OTOG: variants seen among roughly 807,000 people sequenced by gnomAD.
OTOG encodes otogelin.
Under a neutral mutation model 313.8 loss-of-function variants are expected in OTOG, and 296 were observed. The observed-to-expected ratio is 0.94, with a 90% confidence interval of 0.86 to 1.04. The LOEUF is 1.04. Ranked by LOEUF, OTOG falls within the 50% of genes least tolerant of loss-of-function variation. The pLI is 0.00. For missense variants in OTOG, 3,948 were observed against 3,840.1 expected (o/e 1.03, Z -0.74); for synonymous variants, 1,533 against 1,554.9 (o/e 0.99, Z 0.33).
At chr11:17,612,420 C>G in intron 37 of OTOG, 90 bp downstream of exon 37, 1 of 1,443,606 alleles carries the variant, frequency 6.9e-7, no homozygotes, top group Non-Finnish European at 9.2e-7. Flanking sequence ...GTCCCAGACT[C>G]CCCTCCTGTG....
intron 33 of OTOG, among the ~76,000 whole-genome samples, chr11:17,606,606 C>A (rs970775650): frequency 1.3e-5 from 2 of 152,252 alleles, no homozygotes; most frequent in African/African-American, 2.4e-5. Context: ...ACTCCCCGAC[C>A]TTCCACCAAC....
At chr11:17,575,017 TC>T in intron 20 of OTOG, 105 bp downstream of exon 20, 1 of 1,167,828 alleles carries the variant, frequency 8.6e-7, no homozygotes, top group East Asian at 2.7e-5. Flanking sequence ...TGTCCCTCCT[TC>T]CCCTCACAGT....
chr11:17,636,380 T>C (rs1308109119), intron 47 of OTOG, among the ~76,000 whole-genome samples: 2 of 152,164 alleles, frequency 1.3e-5, no homozygotes, highest in African/African-American at 4.8e-5. Context: ...ATGAACAAAA[T>C]GGTTCTATTT....
At chr11:17,612,100 A>G in intron 36 of OTOG, 62 bp from the exon 37 acceptor site, 1 of 1,532,156 alleles carries the variant, frequency 6.5e-7, no homozygotes, top group Non-Finnish European at 8.8e-7. Context: ...GTGCCATCAC[A>G]GCTTGCAGGG....
intron 23 of OTOG, among the ~76,000 whole-genome samples, chr11:17,580,909 T>C (rs1852649878): frequency 6.6e-6 from 1 of 152,174 alleles, no homozygotes; most frequent in African/African-American, 2.4e-5. Flanking sequence ...TGTGCTTTTT[T>C]TTCTTTCCTG....
intron 42 of OTOG, among the ~76,000 whole-genome samples, chr11:17,632,622 G>A (rs1250259802): frequency 5.9e-5 from 9 of 152,076 alleles, no homozygotes; most frequent in East Asian, 1.9e-4. Flanking sequence ...CACGGACACC[G>A]TCCAGCACAC....
chr11:17,581,285 A>T (rs1156919708), intron 23 of OTOG, among the ~76,000 whole-genome samples: 1 of 152,152 alleles, frequency 6.6e-6, no homozygotes, highest in Non-Finnish European at 1.5e-5. Context: ...GGGTCACACC[A>T]CTGCTCCAGC....
At chr11:17,592,527 C>T (rs1237790612) in intron 25 of OTOG, among the ~76,000 whole-genome samples, 1 of 152,048 alleles carries the variant, frequency 6.6e-6, no homozygotes, top group African/African-American at 2.4e-5. Context: ...CCTGCAAGAA[C>T]TTTTTTCTGT....
At chr11:17,552,832 G>C (rs1851973563) in intron 4 of OTOG, among the ~76,000 whole-genome samples, 1 of 152,252 alleles carries the variant, frequency 6.6e-6, no homozygotes, top group Admixed American at 6.5e-5. Flanking sequence ...TGCCTGCCTT[G>C]CTTGCTAGCC....
Position 17,572,081 on chromosome 11 carries a change from T to A in OTOG, c.1957T>A (p.Ser653Thr). 6.5e-7 allele frequency: 1 copy of A among 1,550,324 alleles called. No homozygotes were observed. Among genetic ancestry groups the A allele is most frequent in the South Asian group, 1.2e-5 (1 of 84,044 alleles). ...FNGNTQDDFL[S>T]PVGVPESTPQ... ...AATATGGCTGTGACATGGCTGCAGG[T>A]CTCCAGTGGGTGTACCTGAGAGCAC... Residue 653 changes from serine to threonine, a missense_variant and splice_region_variant, in exon 18 of 56, where the codon TCT becomes ACT. Physicochemically the swap from Ser to Thr is moderately conservative, Grantham distance 58. Transcript: ENST00000399397.
At chr11:17,589,805 A>G (rs540738494) in intron 24 of OTOG, among the ~76,000 whole-genome samples, 2 of 152,316 alleles carry the variant, frequency 1.3e-5, no homozygotes, top group African/African-American at 4.8e-5. Context: ...GGTCACCAGT[A>G]ACTTCATATT....
Position 17,641,961 on chromosome 11 carries a change from C to A in OTOG, c.8295+10C>A, listed in dbSNP as rs559557204. 85 of 1,548,270 alleles carry A rather than the reference C, an allele frequency of 5.5e-5. No homozygotes were observed. The African/African-American group carries it at 9.9e-4, about 18-fold the overall frequency. On this transcript the variant is annotated intron_variant, in intron 52 of 55. Transcript: ENST00000399397. ...CACCTCCCTGTTCTTGGTAAGCAGCCCCCTCGCTGCCCACTTAGGAGGGTG... is the reference window on the plus strand; with the variant it reads ...CACCTCCCTGTTCTTGGTAAGCAGCACCCTCGCTGCCCACTTAGGAGGGTG...
chr11:17,561,264 G>T, intron 14 of OTOG, 127 bp downstream of exon 14: 1 of 1,103,918 alleles, frequency 9.1e-7, no homozygotes, highest in South Asian at 1.5e-5. Flanking sequence ...GCTACGCCCC[G>T]ACCCCTGTTT....
At chr11:17,576,660 C>A (rs1378241468) in intron 21 of OTOG, 30 bp downstream of exon 21, 4 of 1,529,338 alleles carry the variant, frequency 2.6e-6, no homozygotes, top group Non-Finnish European at 3.5e-6. Flanking sequence ...GCCTTCTTGT[C>A]CTCTCTTTAA....
intron 24 of OTOG, among the ~76,000 whole-genome samples, chr11:17,586,957 CAATATGTCAGTG>C (rs369952291): frequency 0.044 from 6,637 of 152,238 alleles, 171 homozygotes; most frequent in South Asian, 0.075. Flanking sequence ...TCACAAATCT[CAATATGTCAGTG>C]AATATGTACA....
At position 17,572,191 on chromosome 11, in the gene OTOG, G is replaced by A. The variant is rs945970316; in HGVS notation, c.2067G>A (p.Val689=). The A allele has an allele frequency of 1.2e-5, 19 of 1,550,284 alleles. No individual in the cohort carries two copies. In the African/African-American group the frequency reaches 2.6e-4, roughly 21 times the overall value. The part of the protein sequence containing the change: ...VSGSPLDPCD[V]HLQAASYSVQ... ...GCTCCCCTCTGGACCCCTGCGATGT[G>A]CACCTGCAAGCCGGTGAGTTGGTGG... The change falls in exon 18 of 56, where the codon GTG becomes GTA. Residue 689 remains valine (V), a synonymous_variant. Coordinates refer to ENST00000399397, the MANE Select transcript of OTOG (RefSeq NM_001292063.2).
chr11:17,595,138 C>G (rs1853060293), intron 28 of OTOG, among the ~76,000 whole-genome samples: 1 of 152,148 alleles, frequency 6.6e-6, no homozygotes, highest in African/African-American at 2.4e-5. Flanking sequence ...TTCAACTGCT[C>G]CAGGTGGGGC....
rs1292775449 is a variant in OTOG at position 17,640,725 on chromosome 11, ACTGCCT to A, written c.7936-14_7936-9del. The A allele has an allele frequency of 6.5e-7, 1 of 1,548,780 alleles. No individual in the cohort carries two copies. The highest frequency in any genetic ancestry group is 2.0e-5 in the Admixed American group (1 of 50,970). On this transcript the variant is annotated splice_polypyrimidine_tract_variant and intron_variant, in intron 49 of 55. Transcript: ENST00000399397. ...GGCTGGCCCCCAACCCAGGGTGCTGACTGCCTCTGCCCCACCCAGTGGGAGAAATCC... is the reference window on the plus strand; with the variant it reads ...GGCTGGCCCCCAACCCAGGGTGCTGACTGCCCCACCCAGTGGGAGAAATCC...
chr11:17,599,870 T>G (rs1165396874), intron 31 of OTOG, among the ~76,000 whole-genome samples, 173 bp downstream of exon 31: 1 of 151,950 alleles, frequency 6.6e-6, no homozygotes, highest in Admixed American at 6.5e-5. Context: ...GGCCCAGGGG[T>G]GTCCTGCACC....
Sources: allele counts gnomAD v4.1 joint callset (sites outside exome capture counted in the v4.1 genomes callset), GRCh38; gene constraint gnomAD v4.1.1; transcripts MANE v1.5; gene names NCBI Gene and HGNC (gene_info 2026-07-23, HGNC 2026-07-21).